The following ST6GALNAC3 variants were observed in gnomAD, a reference collection of about 807,000 sequenced individuals.
The protein encoded by ST6GALNAC3 is alpha-N-acetylgalactosaminide alpha-2,6-sialyltransferase 3.
In ST6GALNAC3, 25 loss-of-function variants were observed where a neutral mutation model predicts 32.7. That is an observed-to-expected ratio of 0.76 (90% CI 0.56 to 1.07). The LOEUF is 1.07. Among genes scored for constraint, ST6GALNAC3 ranks in the 50% least tolerant of loss-of-function variants. The pLI, the probability that ST6GALNAC3 is intolerant of heterozygous loss-of-function variation, is 0.00. For missense variants in ST6GALNAC3, 355 were observed against 382.4 expected, an observed-to-expected ratio of 0.93 and a Z score of 0.60; for synonymous variants, 129 against 133.1, an observed-to-expected ratio of 0.97 and a Z score of 0.21.
chr1:76,176,614 T>G (rs1652871915), intron 1 of ST6GALNAC3, among the ~76,000 whole-genome samples: 3 of 152,178 alleles, frequency 2.0e-5, no homozygotes, highest in Non-Finnish European at 4.4e-5. Context: ...CATGACTTTC[T>G]GGAACAAAAT....
intron 2 of ST6GALNAC3, among the ~76,000 whole-genome samples, chr1:76,403,118 G>A (rs938383111): frequency 6.6e-6 from 1 of 152,034 alleles, no homozygotes; most frequent in African/African-American, 2.4e-5. Flanking sequence ...TATGCTGGCA[G>A]GAATCCCACA....
rs12047574 is a variant in ST6GALNAC3 at position 76,130,345 on chromosome 1, G to A, written c.18+55461G>A. ...TTACCACCACATGAAATTCAGCCCCGTGGGCTAATTGTTCTCTTCCAGTTT... is the reference window on the plus strand; with the variant it reads ...TTACCACCACATGAAATTCAGCCCCATGGGCTAATTGTTCTCTTCCAGTTT... On this transcript the variant is annotated intron_variant, in intron 1 of 4. Coordinates refer to ENST00000328299, the MANE Select transcript of ST6GALNAC3 (RefSeq NM_152996.4). Among the ~76,000 whole-genome samples the A allele has an allele frequency of 1.3e-3, 197 of 152,296 alleles. 1 individual carries two copies. The highest frequency in any genetic ancestry group is 1.6e-3 in the Non-Finnish European group (106 of 68,028).
At chr1:76,089,673 C>T (rs76610787) in intron 1 of ST6GALNAC3, among the ~76,000 whole-genome samples, 3,714 of 152,236 alleles carry the variant, frequency 0.024, 106 homozygotes, top group Admixed American at 0.069. Flanking sequence ...GTCATTTAGA[C>T]GATACATTGT....
intron 1 of ST6GALNAC3, among the ~76,000 whole-genome samples, chr1:76,184,158 A>G (rs1471112506): frequency 6.6e-6 from 1 of 152,098 alleles, no homozygotes; most frequent in Non-Finnish European, 1.5e-5. Context: ...TGAACCAAAA[A>G]CATCTCCATA....
At chr1:76,212,564 G>A (rs578247894) in intron 1 of ST6GALNAC3, among the ~76,000 whole-genome samples, 1 of 152,226 alleles carries the variant, frequency 6.6e-6, no homozygotes, top group East Asian at 1.9e-4. Flanking sequence ...TCAGGAAAAA[G>A]CACCTGACCT....
At chr1:76,199,892 A>G (rs1289735183) in intron 1 of ST6GALNAC3, among the ~76,000 whole-genome samples, 4 of 152,162 alleles carry the variant, frequency 2.6e-5, no homozygotes, top group African/African-American at 9.7e-5. Flanking sequence ...TTTCTAATTT[A>G]TGTGTCCTGT....
chr1:76,315,505 C>A (rs1646848823), intron 2 of ST6GALNAC3, among the ~76,000 whole-genome samples: 1 of 152,056 alleles, frequency 6.6e-6, no homozygotes, highest in Non-Finnish European at 1.5e-5. Context: ...TTAATTAGTT[C>A]TATTAACTGG....
rs186882984 is a variant in ST6GALNAC3, at chr1:76,480,463, T to C, written c.623+68046T>C. ...GCCACATGAAACTAGGAAAATACGATGGAATTTGAAAATGATGTTAGATAG... is the reference window on the plus strand; with the variant it reads ...GCCACATGAAACTAGGAAAATACGACGGAATTTGAAAATGATGTTAGATAG... On this transcript the variant is annotated intron_variant, in intron 3 of 4. Transcript: ENST00000328299. Among the ~76,000 whole-genome samples, 4 of 152,232 alleles carry C rather than the reference T, an allele frequency of 2.6e-5. No individual in the cohort carries two copies. In the East Asian group the frequency reaches 5.8e-4, roughly 22 times the overall value.
intron 1 of ST6GALNAC3, among the ~76,000 whole-genome samples, chr1:76,190,892 G>A (rs1011004709): frequency 1.3e-5 from 2 of 152,272 alleles, no homozygotes; most frequent in Admixed American, 1.3e-4. Context: ...AGAAAAAGTG[G>A]AAGTGAAATT....
In ST6GALNAC3 at chr1:76,570,729, C is replaced by T. The variant is rs546252001; in HGVS notation, c.624-56723C>T. ...ACATATCTCCTTGTCAAAGTGTTCT[C>T]TTCTCTTGCCGTGGGGGACACCACT... On this transcript the variant is annotated intron_variant, in intron 3 of 4. Transcript: ENST00000328299. Among the ~76,000 whole-genome samples the T allele has an allele frequency of 5.3e-5, 8 of 152,182 alleles. No individual in the cohort carries two copies. In the East Asian group the frequency reaches 1.4e-3, roughly 26 times the overall value.
At chr1:76,443,660 G>A (rs1656770317) in intron 3 of ST6GALNAC3, among the ~76,000 whole-genome samples, 1 of 152,180 alleles carries the variant, frequency 6.6e-6, no homozygotes, top group Admixed American at 6.5e-5. Context: ...AAAGTGTGAA[G>A]GAGACTGTGA....
chr1:76,144,924 A>G (rs559355640), intron 1 of ST6GALNAC3, among the ~76,000 whole-genome samples: 67 of 152,348 alleles, frequency 4.4e-4, no homozygotes, highest in African/African-American at 1.5e-3. Flanking sequence ...TTATGAGTTG[A>G]GTGGCCTCAG....
At chr1:76,431,715 C>T (rs754035808) in intron 3 of ST6GALNAC3, among the ~76,000 whole-genome samples, 3 of 152,078 alleles carry the variant, frequency 2.0e-5, no homozygotes, top group East Asian at 1.9e-4. Flanking sequence ...TTGGGAAGTC[C>T]GAATTTTTGA....
intron 3 of ST6GALNAC3, among the ~76,000 whole-genome samples, chr1:76,521,426 C>T (rs1240730256): frequency 2.6e-5 from 4 of 152,048 alleles, no homozygotes; most frequent in African/African-American, 7.2e-5. Flanking sequence ...AAGTGGGCAA[C>T]TGAGCTTATC....
intron 3 of ST6GALNAC3, among the ~76,000 whole-genome samples, chr1:76,489,223 G>A (rs1201080737): frequency 6.6e-6 from 1 of 152,082 alleles, no homozygotes; most frequent in Non-Finnish European, 1.5e-5. Context: ...ACTATTAATT[G>A]TTATGGTAAT....
At chr1:76,458,955 G>A (rs1658074460) in intron 3 of ST6GALNAC3, among the ~76,000 whole-genome samples, 2 of 151,522 alleles carry the variant, frequency 1.3e-5, no homozygotes, top group African/African-American at 4.8e-5. Flanking sequence ...CATGAATCTT[G>A]CATCTTGCTC....
chr1:76,525,791 G>GTATATATATATATATATATACATATATA (rs1662850282), intron 3 of ST6GALNAC3, among the ~76,000 whole-genome samples: 1 of 75,530 alleles, frequency 1.3e-5, no homozygotes, highest in Non-Finnish European at 3.0e-5. Flanking sequence ...GTGTGTGTGT[G>GTATATATATATATATATATACATATATA]TATATATATA....
rs763751317 is a variant in ST6GALNAC3 at position 76,628,585 on chromosome 1, A to T, written c.732-35A>T. 11 of 1,540,574 alleles carry T rather than the reference A, an allele frequency of 7.1e-6. No individual in the cohort carries two copies. In the Admixed American group the frequency reaches 2.3e-4, roughly 33 times the overall value. On this transcript the variant is annotated intron_variant, in intron 4 of 4. Transcript: ENST00000328299. ...AATGAGTGCTTCATTCTTCATCTCA[A>T]TCTTTCTCTCCTTTTCTTTTTTTTT...
intron 3 of ST6GALNAC3, among the ~76,000 whole-genome samples, chr1:76,474,887 A>G (rs1030541759): frequency 1.3e-5 from 2 of 152,196 alleles, no homozygotes; most frequent in Admixed American, 6.5e-5. Flanking sequence ...ATGTAAAAAT[A>G]AGAAAAGCAA....
Sources: gnomAD v4.1 joint callset for allele counts (sites outside exome capture counted in the v4.1 genomes callset) on GRCh38, gnomAD v4.1.1 for gene constraint, MANE v1.5 for transcripts, NCBI Gene and HGNC (gene_info 2026-07-23, HGNC 2026-07-21) for gene names.